MICAL2: variants seen among roughly 807,000 people sequenced by gnomAD.
MICAL2 encodes microtubule associated monooxygenase, calponin and LIM domain containing 2.
MICAL2 carries 77 observed loss-of-function variants against 127.3 expected under a neutral mutation model. The observed-to-expected ratio is 0.60, with a 90% CI of 0.50 to 0.73. The LOEUF (loss-of-function observed/expected upper bound fraction) is 0.73. Among genes scored for constraint, MICAL2 ranks in the 30% least tolerant of loss-of-function variants. MICAL2 has a pLI of 0.00. For synonymous variants in MICAL2, 570 were observed against 551.1 expected, an observed-to-expected ratio of 1.03 and a Z score of -0.48; for missense variants, 1,351 against 1,434.4, an observed-to-expected ratio of 0.94 and a Z score of 0.94.
intron 2 of MICAL2, among the ~76,000 whole-genome samples, chr11:12,147,658 G>T (rs1031987959): frequency 6.6e-6 from 1 of 152,162 alleles, no homozygotes; most frequent in Non-Finnish European, 1.5e-5. Flanking sequence ...GACCTGTGTG[G>T]GAACTCTTCG....
At chr11:12,190,038 C>T (rs978112686) in intron 3 of MICAL2, among the ~76,000 whole-genome samples, 1 of 152,202 alleles carries the variant, frequency 6.6e-6, no homozygotes, top group African/African-American at 2.4e-5. Context: ...ATTTTAATTA[C>T]AAACCACTTT....
At chr11:12,150,627 A>C (rs747929832) in intron 2 of MICAL2, among the ~76,000 whole-genome samples, 7 of 152,086 alleles carry the variant, frequency 4.6e-5, no homozygotes, top group South Asian at 4.1e-4. Flanking sequence ...TGTGACTTTG[A>C]TGCCTCTTCC....
At chr11:12,265,544 A>G (rs1278743484), downstream of MICAL2, among the ~76,000 whole-genome samples, 4 of 152,242 alleles carry the variant, frequency 2.6e-5, no homozygotes, top group Non-Finnish European at 2.9e-5. Flanking sequence ...AAAATATTAA[A>G]TAGACCATTA....
At chr11:12,316,566 A>C (rs1373581797) in intron 29 of MICAL2, among the ~76,000 whole-genome samples, 1 of 152,034 alleles carries the variant, frequency 6.6e-6, no homozygotes, top group African/African-American at 2.4e-5. Flanking sequence ...GGAGTTCTTG[A>C]GCACATTTAT....
chr11:12,216,277 A>G lies in MICAL2; in HGVS notation c.906A>G (p.Thr302=). 1.9e-6 allele frequency: 3 copies of G among 1,614,098 alleles called. No homozygotes were observed. Among genetic ancestry groups the G allele is most frequent in the South Asian group, 2.2e-5 (2 of 91,080 alleles). The change falls in exon 8 of 28, where the codon ACA becomes ACG. Residue 302 remains threonine (T), a synonymous_variant. Transcript: ENST00000683283. ...ACTGCACCCACTATTTTGTAATGAC[A>G]GCCAAGAAGCAGAGCCTGCTCGACA... ...YKDCTHYFVM[T]AKKQSLLDKG...
At chr11:12,302,064 G>C (rs2134805999) in intron 29 of MICAL2, among the ~76,000 whole-genome samples, 1 of 152,298 alleles carries the variant, frequency 6.6e-6, no homozygotes, top group Non-Finnish European at 1.5e-5. Flanking sequence ...GAACTTTAAG[G>C]GAGGCTATGG....
At position 12,207,793 on chromosome 11, in the gene MICAL2, G is replaced by A. The variant is rs1854916120; in HGVS notation, c.473-230G>A. 6.7e-6 allele frequency: 3 copies of A among 448,014 alleles called. No homozygotes were observed. In the Admixed American group the frequency reaches 1.1e-4, roughly 17 times the overall value. The allele number at this position is 448,014 out of a possible 1,614,324, so 27.8% of individuals were successfully genotyped here. A position where few individuals can be genotyped will look rare whatever the true frequency, so the allele number is the denominator to read the frequency against. On this transcript the variant is annotated intron_variant, in intron 4 of 27. Coordinates refer to ENST00000683283, the MANE Select transcript of MICAL2 (RefSeq NM_001282663.2). ...TGAGCAAGTCATTTAACTTTGTTAA[G>A]CCTCAATTTCTCATCTACAGAATGA...
intron 17 of MICAL2, 97 bp from the exon 18 acceptor site, chr11:12,240,943 C>G: frequency 1.2e-4 from 174 of 1,435,960 alleles, no homozygotes; most frequent in Middle Eastern, 1.8e-4. Flanking sequence ...CGTCTCCCTG[C>G]TCCTCTTCTC....
At chr11:12,202,408 T>G (rs114607920) in intron 3 of MICAL2, among the ~76,000 whole-genome samples, 3,148 of 152,320 alleles carry the variant, frequency 0.021, 115 homozygotes, top group African/African-American at 0.069. Context: ...AGCAGCTGCT[T>G]TGTGCCTCAA....
At chr11:12,346,995 A>G (rs1363497524) in intron 32 of MICAL2, among the ~76,000 whole-genome samples, 1 of 152,196 alleles carries the variant, frequency 6.6e-6, no homozygotes, top group Non-Finnish European at 1.5e-5. Context: ...CATGAAGTGC[A>G]AATGCCTTAG....
At chr11:12,258,747 G>T (rs1260797273) in intron 25 of MICAL2, among the ~76,000 whole-genome samples, 191 bp downstream of exon 25, 1 of 152,256 alleles carries the variant, frequency 6.6e-6, no homozygotes, top group East Asian at 1.9e-4. Context: ...TCTGGGGTGT[G>T]TCCCATTCCA....
chr11:12,127,851 A>C (rs1295105561), intron 1 of MICAL2, among the ~76,000 whole-genome samples: 1 of 152,162 alleles, frequency 6.6e-6, no homozygotes, highest in Non-Finnish European at 1.5e-5. Context: ...GTAGACTAAA[A>C]AAGTCTACTC....
intron 15 of MICAL2, among the ~76,000 whole-genome samples, chr11:12,231,550 T>G (rs534628558): frequency 1.3e-5 from 2 of 152,342 alleles, no homozygotes; most frequent in East Asian, 3.9e-4. Context: ...AACTGTTTCT[T>G]GAGTGCCTAT....
intron 1 of MICAL2, among the ~76,000 whole-genome samples, chr11:12,277,717 GT>G (rs1354607183): frequency 3.3e-5 from 5 of 152,184 alleles, no homozygotes; most frequent in Admixed American, 6.5e-5. Flanking sequence ...TTTAAATTGT[GT>G]TCTGGGTATC....
chr11:12,133,837 GC>G (rs1278834864), intron 1 of MICAL2, among the ~76,000 whole-genome samples: 1 of 152,186 alleles, frequency 6.6e-6, no homozygotes, highest in Non-Finnish European at 1.5e-5. Flanking sequence ...TCAAGATACT[GC>G]CTCTCCTGTC....
At chr11:12,249,823 G>A (rs1861299187) in intron 22 of MICAL2, 1 of 152,426 alleles carries the variant, frequency 6.6e-6, no homozygotes, top group African/African-American at 2.4e-5. Flanking sequence ...AGGGAGGAAC[G>A]TTTCCATTGT....
intron 2 of MICAL2, among the ~76,000 whole-genome samples, chr11:12,281,992 C>T (rs955194431): frequency 6.6e-6 from 1 of 152,192 alleles, no homozygotes; most frequent in Non-Finnish European, 1.5e-5. Context: ...CTTAGTTGCC[C>T]TGGGAGAGCT....
chr11:12,213,164 A>G, intron 6 of MICAL2, 91 bp from the exon 7 acceptor site: 1 of 1,408,490 alleles, frequency 7.1e-7, no homozygotes, highest in African/African-American at 1.4e-5. Flanking sequence ...CTGGCCTGGG[A>G]GGCATCTGGG....
chr11:12,229,921 A>C (rs771530719), intron 15 of MICAL2, among the ~76,000 whole-genome samples: 1 of 151,864 alleles, frequency 6.6e-6, no homozygotes, highest in Non-Finnish European at 1.5e-5. Flanking sequence ...TAATCCTTGC[A>C]CTCTACCCCA....
Sources: gnomAD v4.1 joint callset for allele counts (sites outside exome capture counted in the v4.1 genomes callset) on GRCh38, gnomAD v4.1.1 for gene constraint, MANE v1.5 for transcripts, NCBI Gene and HGNC (gene_info 2026-07-23, HGNC 2026-07-21) for gene names.